C2orf66: variants seen among roughly 807,000 people sequenced by gnomAD.
The protein encoded by C2orf66 is chromosome 2 open reading frame 66.
Under a neutral mutation model 7.0 loss-of-function variants are expected in C2orf66, and 6 were observed. The observed-to-expected ratio is 0.86, with a 90% CI of 0.47 to 1.69. C2orf66 has a LOEUF of 1.69. Among genes scored for constraint, C2orf66 ranks in the 40% most tolerant of loss-of-function variants. The pLI, the probability that C2orf66 is intolerant of heterozygous loss-of-function variation, is 0.01. For missense variants in C2orf66, 107 were observed against 112.0 expected (o/e 0.96, Z 0.20); for synonymous variants, 38 against 43.8 (o/e 0.87, Z 0.52).
the C2orf66 span, among the ~76,000 whole-genome samples, chr2:196,827,414 A>G: frequency 6.6e-6 from 1 of 152,078 alleles, no homozygotes; most frequent in Non-Finnish European, 1.5e-5. Context: ...CTTTCTTAAC[A>G]TAAATTCTTT....
the C2orf66 span, among the ~76,000 whole-genome samples, chr2:196,818,336 A>G: frequency 6.6e-6 from 1 of 152,232 alleles, no homozygotes; most frequent in Non-Finnish European, 1.5e-5. Flanking sequence ...TGCTTCCTGG[A>G]GAGCACTGGC....
chr2:196,820,569 A>G, the C2orf66 span, among the ~76,000 whole-genome samples: 4 of 152,234 alleles, frequency 2.6e-5, no homozygotes, highest in Non-Finnish European at 4.4e-5. Context: ...TCACAACCCA[A>G]TGTATAGACC....
the C2orf66 span, among the ~76,000 whole-genome samples, chr2:196,819,427 C>T: frequency 4.6e-5 from 7 of 152,186 alleles, no homozygotes; most frequent in Non-Finnish European, 8.8e-5. Context: ...GAGAAGATGA[C>T]AGTCTGCAAT....
At chr2:196,814,164 A>C (rs992265053), upstream of C2orf66, among the ~76,000 whole-genome samples, 16 of 152,238 alleles carry the variant, frequency 1.1e-4, no homozygotes, top group African/African-American at 3.9e-4. Context: ...AAAGACTTGG[A>C]ACCAACCCAA....
the C2orf66 span, among the ~76,000 whole-genome samples, chr2:196,821,377 T>C: frequency 6.6e-6 from 1 of 152,236 alleles, no homozygotes; most frequent in African/African-American, 2.4e-5. Flanking sequence ...TGTTGAGACA[T>C]CAGGCCAATC....
At chr2:196,811,700 A>G (rs115610804), upstream of C2orf66, among the ~76,000 whole-genome samples, 20 of 152,314 alleles carry the variant, frequency 1.3e-4, no homozygotes, top group African/African-American at 4.6e-4. Context: ...GCAATAGGAT[A>G]CACAGATCTG....
At chr2:196,826,158 T>C in the C2orf66 span, among the ~76,000 whole-genome samples, 758 of 152,288 alleles carry the variant, frequency 5.0e-3, 5 homozygotes, top group African/African-American at 0.017. Context: ...AATTATAATT[T>C]AATCAGATCT....
At chr2:196,815,435 A>C in the C2orf66 span, among the ~76,000 whole-genome samples, 58 of 152,328 alleles carry the variant, frequency 3.8e-4, no homozygotes, top group African/African-American at 1.3e-3. Flanking sequence ...ACAATATTTT[A>C]GGTTCTCAAA....
chr2:196,813,498 C>A (rs1699895494), upstream of C2orf66, among the ~76,000 whole-genome samples: 1 of 152,110 alleles, frequency 6.6e-6, no homozygotes, highest in Non-Finnish European at 1.5e-5. Context: ...TAGGCAATAC[C>A]ATTCAGGACA....
At chr2:196,814,438 G>C in the C2orf66 span, among the ~76,000 whole-genome samples, 2 of 152,078 alleles carry the variant, frequency 1.3e-5, no homozygotes, top group East Asian at 3.9e-4. Context: ...GAGAGGCTGG[G>C]GGAGAGATAG....
chr2:196,810,832 G>A (rs935381343), upstream of C2orf66, among the ~76,000 whole-genome samples: 31 of 152,174 alleles, frequency 2.0e-4, no homozygotes, highest in African/African-American at 6.5e-4. Context: ...CAGGATTTGA[G>A]GATGAAATGG....
At chr2:196,828,306 GA>G in the C2orf66 span, among the ~76,000 whole-genome samples, 1,831 of 150,562 alleles carry the variant, frequency 0.012, 27 homozygotes, top group East Asian at 0.085. Flanking sequence ...AGGGGTGGGA[GA>G]CTTCTTTAAA....
At chr2:196,817,872 GCAGT>G in the C2orf66 span, among the ~76,000 whole-genome samples, 1 of 152,146 alleles carries the variant, frequency 6.6e-6, no homozygotes, top group Non-Finnish European at 1.5e-5. Context: ...CAACCCACAG[GCAGT>G]CAGACCTTAT....
chr2:196,810,236 G>T (rs1350089914), upstream of C2orf66: 1 of 152,128 alleles, frequency 6.6e-6, no homozygotes, highest in African/African-American at 2.4e-5. Context: ...TTAAGGGAAG[G>T]GATACACCTG....
chr2:196,805,769 G>A (rs541842981), intron 2 of C2orf66, among the ~76,000 whole-genome samples: 6 of 152,176 alleles, frequency 3.9e-5, no homozygotes, highest in South Asian at 2.1e-4. Context: ...TGAAGAAGCC[G>A]AGGCTTACAA....
the C2orf66 span, among the ~76,000 whole-genome samples, chr2:196,819,062 G>A: frequency 6.6e-6 from 1 of 152,170 alleles, no homozygotes; most frequent in Non-Finnish European, 1.5e-5. Flanking sequence ...CATTGAAATT[G>A]CTGTTGCTTC....
chr2:196,828,039 A>G, the C2orf66 span, among the ~76,000 whole-genome samples: 2 of 152,182 alleles, frequency 1.3e-5, no homozygotes, highest in South Asian at 4.1e-4. Flanking sequence ...TGTTTGAGTT[A>G]GTCATTACTC....
rs74719839 is a variant in C2orf66, at chr2:196,805,961, C to T, written c.*20-553G>A. 7.1e-3 allele frequency among the ~76,000 whole-genome samples: 1,087 copies of T among 152,218 alleles called. 8 individuals carry two copies. The highest frequency in any genetic ancestry group is 0.024 in the African/African-American group (1,010 of 41,534). ...GGCATATTCCACATGGTAAGTTATA[C>T]GTTCTTTTTAGAGTAGCAATCATTA... On this transcript the variant is annotated intron_variant, in intron 2 of 2. Coordinates refer to ENST00000342506, the MANE Select transcript of C2orf66 (RefSeq NM_213608.3).
At chr2:196,813,300 C>G (rs969823190), upstream of C2orf66, among the ~76,000 whole-genome samples, 1 of 152,094 alleles carries the variant, frequency 6.6e-6, no homozygotes, top group Non-Finnish European at 1.5e-5. Flanking sequence ...TGATCTTTGA[C>G]CAACTCAGCA....
Sources: gnomAD v4.1 joint callset for allele counts (sites outside exome capture counted in the v4.1 genomes callset) on GRCh38, gnomAD v4.1.1 for gene constraint, MANE v1.5 for transcripts, NCBI Gene and HGNC (gene_info 2026-07-23, HGNC 2026-07-21) for gene names.